The following GRIA4 variants were observed in gnomAD, a reference collection of about 807,000 sequenced individuals.
GRIA4 encodes the protein glutamate ionotropic receptor AMPA type subunit 4.
In GRIA4, 34 loss-of-function variants were observed where a neutral mutation model predicts 104.0. The ratio of observed to expected loss-of-function variants is 0.33; its 90% confidence interval spans 0.25 to 0.44. GRIA4 has a LOEUF of 0.44. GRIA4 is among the 20% of genes least tolerant of loss of function. GRIA4 has a pLI of 1.00. For synonymous variants in GRIA4, 386 were observed against 381.9 expected (o/e 1.01, Z -0.13); for missense variants, 750 against 1,096.5 (o/e 0.68, Z 4.46).
At chr11:105,826,475 T>A (rs1158713630) in intron 4 of GRIA4, among the ~76,000 whole-genome samples, 1 of 152,010 alleles carries the variant, frequency 6.6e-6, no homozygotes, top group Non-Finnish European at 1.5e-5. Flanking sequence ...CAGCAGCCAA[T>A]ATTCACTGCA....
chr11:105,972,053 C>T, intron 15 of GRIA4, 25 bp downstream of exon 15: 2 of 1,400,248 alleles, frequency 1.4e-6, no homozygotes, highest in Non-Finnish European at 2.0e-6. Context: ...TTCGGGGCCT[C>T]CTCTTGTGTT....
intron 3 of GRIA4, among the ~76,000 whole-genome samples, chr11:105,711,584 G>C (rs931895706): frequency 9.2e-5 from 14 of 152,204 alleles, no homozygotes; most frequent in African/African-American, 3.1e-4. Flanking sequence ...ATGAACCCAA[G>C]AGCGACTGAT....
chr11:105,875,276 G>C (rs1945773552), intron 5 of GRIA4, among the ~76,000 whole-genome samples: 1 of 152,156 alleles, frequency 6.6e-6, no homozygotes, highest in African/African-American at 2.4e-5. Context: ...ACTTGATCGT[G>C]GTAGATAAGC....
chr11:105,977,092 T>C (rs1859018692), intron 16 of GRIA4, among the ~76,000 whole-genome samples: 1 of 152,056 alleles, frequency 6.6e-6, no homozygotes, highest in Non-Finnish European at 1.5e-5. Flanking sequence ...GCAAAAGCCT[T>C]CTGTAAACAC....
intron 6 of GRIA4, among the ~76,000 whole-genome samples, chr11:105,893,979 T>C (rs1261051335): frequency 1.3e-5 from 2 of 152,200 alleles, no homozygotes; most frequent in Admixed American, 6.5e-5. Context: ...AGAATGTTAC[T>C]GATGAGCTGT....
At chr11:105,912,782 G>A in intron 10 of GRIA4, 1 of 982,246 alleles carries the variant, frequency 1.0e-6, no homozygotes, top group Non-Finnish European at 1.2e-6. Flanking sequence ...GAAAACGGTA[G>A]TCCAGGACCT....
rs543371797 is a variant in GRIA4, at chr11:105,830,984, A to G, written c.488-31040A>G. Among the ~76,000 whole-genome samples, 584 of 152,122 alleles carry G rather than the reference A, an allele frequency of 3.8e-3. 3 individuals carry two copies. The highest frequency in any genetic ancestry group is 6.8e-3 in the Non-Finnish European group (463 of 67,950). On this transcript the variant is annotated intron_variant, in intron 4 of 16. Transcript: ENST00000282499. ...TATACACACACGCACACACACACAC[A>G]CACACATTTTTTATTTATCTATCAA...
chr11:105,617,366 C>T (rs1219626128), intron 3 of GRIA4, among the ~76,000 whole-genome samples: 1 of 151,582 alleles, frequency 6.6e-6, no homozygotes, highest in African/African-American at 2.4e-5. Flanking sequence ...AAGACAGCTT[C>T]GGTACAAAGG....
intron 3 of GRIA4, among the ~76,000 whole-genome samples, chr11:105,705,053 C>T (rs901606602): frequency 1.3e-5 from 2 of 151,896 alleles, no homozygotes; most frequent in African/African-American, 2.4e-5. Flanking sequence ...GGTAACGGCA[C>T]AATAATAGAC....
chr11:105,817,240 A>G (rs542815575), intron 4 of GRIA4, among the ~76,000 whole-genome samples: 2 of 151,506 alleles, frequency 1.3e-5, no homozygotes, highest in East Asian at 1.9e-4. Context: ...TTTTTCTCAA[A>G]CTTACTCAGT....
intron 4 of GRIA4, among the ~76,000 whole-genome samples, chr11:105,843,895 T>C (rs1200596184): frequency 6.6e-6 from 1 of 152,178 alleles, no homozygotes; most frequent in African/African-American, 2.4e-5. Context: ...GTCGCTTTTT[T>C]TCTGTCAATG....
chr11:105,883,416 A>C (rs1946138227), intron 5 of GRIA4, among the ~76,000 whole-genome samples: 1 of 139,266 alleles, frequency 7.2e-6, no homozygotes, highest in African/African-American at 2.6e-5. Context: ...TCCTAATGCT[A>C]TCCCTCCCCC....
At chr11:105,787,729 A>C (rs79149872) in intron 4 of GRIA4, among the ~76,000 whole-genome samples, 10 of 152,078 alleles carry the variant, frequency 6.6e-5, no homozygotes, top group Non-Finnish European at 1.5e-4. Flanking sequence ...CTTCGAGTTC[A>C]GAAACAAGAG....
rs779263414 is a variant in GRIA4 at position 105,972,045 on chromosome 11, C to T, written c.2409+17C>T. 31 of 1,460,738 alleles carry T rather than the reference C, an allele frequency of 2.1e-5. No individual in the cohort carries two copies. The highest frequency in any genetic ancestry group is 2.7e-5 in the Non-Finnish European group (28 of 1,041,838). 90.5% of individuals were successfully genotyped at this position (1,460,738 alleles called of 1,614,324 possible). On this transcript the variant is annotated intron_variant, in intron 15 of 16. Coordinates refer to ENST00000282499, the MANE Select transcript of GRIA4 (RefSeq NM_000829.4). The stretch of plus-strand genomic sequence containing the variant: ...GGAAGCAAGGTCAGTCGCTGCAGTT[C>T]GGGGCCTCCTCTTGTGTTCACAAAG...
intron 4 of GRIA4, among the ~76,000 whole-genome samples, chr11:105,833,072 C>T (rs1944038216): frequency 6.6e-6 from 1 of 151,866 alleles, no homozygotes; most frequent in Non-Finnish European, 1.5e-5. Flanking sequence ...TTGGCAAACC[C>T]CTTTTTCAGC....
At chr11:105,835,894 T>C (rs1367802633) in intron 4 of GRIA4, among the ~76,000 whole-genome samples, 1 of 151,708 alleles carries the variant, frequency 6.6e-6, no homozygotes, top group Non-Finnish European at 1.5e-5. Flanking sequence ...CAATAATTAA[T>C]TGGATAAGAA....
At chr11:105,912,078 C>G in intron 10 of GRIA4, 4 of 1,120,364 alleles carry the variant, frequency 3.6e-6, no homozygotes, top group Non-Finnish European at 4.4e-6. Context: ...TTCTGAGATA[C>G]TAGAACAAAA....
intron 4 of GRIA4, among the ~76,000 whole-genome samples, chr11:105,858,601 T>C (rs1402309851): frequency 6.6e-6 from 1 of 152,112 alleles, no homozygotes; most frequent in Non-Finnish European, 1.5e-5. Context: ...GACTATATCT[T>C]ATTTATCTTA....
chr11:105,933,973 G>A lies in GRIA4; in HGVS notation c.2294+4G>A, dbSNP rs373284955. Reference sequence around the variant, plus strand: ...CGCCCAAGGGTTCCTCATTAAGGTGGGTGGAATAGTATAACAATATAACAT... The same window carrying A: ...CGCCCAAGGGTTCCTCATTAAGGTGAGTGGAATAGTATAACAATATAACAT... On this transcript the variant is annotated splice_donor_region_variant and intron_variant, in intron 14 of 16. Coordinates refer to ENST00000282499, the MANE Select transcript of GRIA4 (RefSeq NM_000829.4). 1 of 1,608,232 alleles carries A rather than the reference G, an allele frequency of 6.2e-7. No individual in the cohort carries two copies. Among genetic ancestry groups the A allele is most frequent in the Non-Finnish European group, 8.5e-7 (1 of 1,176,262 alleles).
Sources: gnomAD v4.1 joint callset for allele counts (sites outside exome capture counted in the v4.1 genomes callset) on GRCh38, gnomAD v4.1.1 for gene constraint, MANE v1.5 for transcripts, NCBI Gene and HGNC (gene_info 2026-07-23, HGNC 2026-07-21) for gene names.